The following MAD1L1 variants were observed in gnomAD, a reference collection of about 807,000 sequenced individuals.
The protein encoded by MAD1L1 is mitotic arrest deficient 1 like 1.
Under a neutral mutation model 96.9 loss-of-function variants are expected in MAD1L1, and 95 were observed. The observed-to-expected ratio is 0.98, with a 90% CI of 0.83 to 1.16. The LOEUF (loss-of-function observed/expected upper bound fraction) is 1.16, where lower values mean the gene tolerates loss of function less well. Among genes scored for constraint, MAD1L1 ranks in the 50% most tolerant of loss-of-function variants. The pLI is 0.00. For synonymous variants in MAD1L1, 473 were observed against 396.6 expected, an observed-to-expected ratio of 1.19 and a Z score of -2.29; for missense variants, 1,007 against 954.4, an observed-to-expected ratio of 1.06 and a Z score of -0.73.
chr7:1,828,946 A>G (rs12537387), intron 18 of MAD1L1, among the ~76,000 whole-genome samples: 63,597 of 152,066 alleles, frequency 0.42, 13,581 homozygotes, highest in African/African-American at 0.46. Context: ...GGACGGATCC[A>G]TGCCAGATCA....
At chr7:1,886,480 C>T (rs940237905) in intron 18 of MAD1L1, among the ~76,000 whole-genome samples, 44 of 152,212 alleles carry the variant, frequency 2.9e-4, no homozygotes, top group African/African-American at 1.0e-3. Context: ...ATTCATGAGT[C>T]GACACCTCTG....
intron 15 of MAD1L1, among the ~76,000 whole-genome samples, chr7:1,969,146 G>A (rs965201396): frequency 1.1e-4 from 16 of 152,206 alleles, no homozygotes; most frequent in African/African-American, 3.9e-4. Flanking sequence ...CACTTTGGGA[G>A]GCCGAGGTGA....
chr7:1,978,676 C>T (rs945863060), intron 15 of MAD1L1, among the ~76,000 whole-genome samples: 18 of 152,144 alleles, frequency 1.2e-4, no homozygotes, highest in Non-Finnish European at 1.5e-5. Flanking sequence ...AGACGCACTT[C>T]CAGGGGGAGA....
At chr7:2,042,254 C>A (rs1783718735) in intron 12 of MAD1L1, among the ~76,000 whole-genome samples, 2 of 150,866 alleles carry the variant, frequency 1.3e-5, no homozygotes. Flanking sequence ...CGTACACAGA[C>A]ACACATACGC....
chr7:2,079,341 G>A (rs1190343074), intron 11 of MAD1L1, among the ~76,000 whole-genome samples: 2 of 152,158 alleles, frequency 1.3e-5, no homozygotes, highest in Non-Finnish European at 2.9e-5. Context: ...GCCTCCAAGT[G>A]TCAATACACA....
At chr7:2,155,851 G>A (rs780931219) in intron 10 of MAD1L1, among the ~76,000 whole-genome samples, 3 of 152,050 alleles carry the variant, frequency 2.0e-5, no homozygotes, top group African/African-American at 4.8e-5. Context: ...TCCCCTTTTC[G>A]GTTTTTCCGA....
intron 12 of MAD1L1, among the ~76,000 whole-genome samples, chr7:2,063,303 G>C (rs1167053948): frequency 6.6e-6 from 1 of 152,272 alleles, no homozygotes; most frequent in Non-Finnish European, 1.5e-5. Flanking sequence ...GCCCCTGGGA[G>C]TCCCTGGCTC....
At chr7:2,028,348 C>T (rs183452824) in intron 12 of MAD1L1, among the ~76,000 whole-genome samples, 1,912 of 150,692 alleles carry the variant, frequency 0.013, 43 homozygotes, top group African/African-American at 0.044. Flanking sequence ...TGGCGCGAAC[C>T]CAGGAGGCAG....
rs1255723758 is a variant in MAD1L1 at position 1,936,831 on chromosome 7, G to C, written c.1663C>G (p.Gln555Glu). 1.1e-5 allele frequency: 18 copies of C among 1,605,018 alleles called. No individual in the cohort carries two copies. Among genetic ancestry groups the C allele is most frequent in the Non-Finnish European group, 1.4e-5 (17 of 1,176,522 alleles). ...MSLNPTSVAR[Q>E]RLREDHSQLQ... ...TGGCTGTGGTCCTCGCGCAGGCGCT[G>C]CCTGGCCACACTGGTGGGGTTCAGG... Residue 555 changes from glutamine (Q) to glutamate (E), a missense_variant, in exon 17 of 19, where the codon CAG (glutamine) becomes GAG (glutamate). Physicochemically the swap from Gln to Glu is conservative, Grantham distance 29. Coordinates refer to ENST00000265854, the MANE Select transcript of MAD1L1 (RefSeq NM_001013836.2).
At chr7:1,911,380 C>G (rs1788006315) in intron 17 of MAD1L1, among the ~76,000 whole-genome samples, 1 of 152,044 alleles carries the variant, frequency 6.6e-6, no homozygotes, top group Non-Finnish European at 1.5e-5. Context: ...GGAGCACTGC[C>G]CCCGGCGCAG....
intron 12 of MAD1L1, among the ~76,000 whole-genome samples, chr7:2,042,156 C>T (rs1302113244): frequency 6.8e-6 from 1 of 147,920 alleles, no homozygotes; most frequent in Non-Finnish European, 1.5e-5. Flanking sequence ...GACATGCACA[C>T]ACATATGTAC....
chr7:1,841,100 C>T (rs7783948), intron 18 of MAD1L1, among the ~76,000 whole-genome samples: 50,468 of 151,850 alleles, frequency 0.33, 8,909 homozygotes, highest in Non-Finnish European at 0.41. Context: ...GGGGCAGGTG[C>T]GGCTCTGGGG....
intron 11 of MAD1L1, among the ~76,000 whole-genome samples, chr7:2,104,896 T>TC (rs1170868396): frequency 2.0e-5 from 3 of 151,836 alleles, no homozygotes; most frequent in African/African-American, 7.3e-5. Flanking sequence ...GCAGGGTAGG[T>TC]CCCCCCGCAA....
At chr7:2,107,676 C>G (rs1787171785) in intron 11 of MAD1L1, 1 of 152,340 alleles carries the variant, frequency 6.6e-6, no homozygotes. Flanking sequence ...AAGGCCCTGC[C>G]TGGCCCCCAG....
At chr7:2,067,551 G>A (rs577757394) in intron 12 of MAD1L1, among the ~76,000 whole-genome samples, 4 of 152,228 alleles carry the variant, frequency 2.6e-5, no homozygotes, top group South Asian at 4.1e-4. Flanking sequence ...GCCTCTCCTC[G>A]GCGGCAGGGT....
chr7:2,165,353 C>A (rs540417000), intron 10 of MAD1L1, among the ~76,000 whole-genome samples: 2 of 152,318 alleles, frequency 1.3e-5, no homozygotes, highest in African/African-American at 4.8e-5. Context: ...GTTATCTGGA[C>A]GAGTGCACAT....
chr7:1,936,034 A>C (rs2128463501), intron 17 of MAD1L1, among the ~76,000 whole-genome samples: 1 of 152,344 alleles, frequency 6.6e-6, no homozygotes, highest in East Asian at 1.9e-4. Flanking sequence ...TGAGCCCCAC[A>C]GCCTCGCTGG....
chr7:2,135,815 C>T (rs1247487836), intron 11 of MAD1L1, among the ~76,000 whole-genome samples: 1 of 152,252 alleles, frequency 6.6e-6, no homozygotes, highest in Non-Finnish European at 1.5e-5. Context: ...GCAACGGCCT[C>T]AGCAGAGACC....
At chr7:1,905,674 C>A (rs1347380937) in intron 17 of MAD1L1, among the ~76,000 whole-genome samples, 3 of 152,246 alleles carry the variant, frequency 2.0e-5, no homozygotes, top group African/African-American at 7.2e-5. Context: ...GCTCTGTGGG[C>A]CTGGGCTCTG....
Sources: allele counts gnomAD v4.1 joint callset (sites outside exome capture counted in the v4.1 genomes callset), GRCh38; gene constraint gnomAD v4.1.1; transcripts MANE v1.5; gene names NCBI Gene and HGNC (gene_info 2026-07-23, HGNC 2026-07-21).